The following CXADR variants were observed in gnomAD, a reference collection of about 807,000 sequenced individuals.
CXADR encodes the protein coxsackievirus and adenovirus receptor.
In CXADR, 20 loss-of-function variants were observed where a neutral mutation model predicts 40.3. The ratio of observed to expected loss-of-function variants is 0.50; its 90% confidence interval spans 0.35 to 0.72. The LOEUF (loss-of-function observed/expected upper bound fraction) is 0.72. Among genes scored for constraint, CXADR ranks in the 30% least tolerant of loss-of-function variants. The pLI is 0.01. For synonymous variants in CXADR, 150 were observed against 161.3 expected (o/e 0.93, Z 0.53); for missense variants, 332 against 449.1 (o/e 0.74, Z 2.36).
At chr21:17,539,987 C>G (rs1259213001) in intron 1 of CXADR, among the ~76,000 whole-genome samples, 3 of 152,114 alleles carry the variant, frequency 2.0e-5, no homozygotes, top group Admixed American at 6.6e-5. Flanking sequence ...ACCATAGATG[C>G]CTTAAACAAT....
chr21:17,594,579 C>A (rs1054168248), downstream of CXADR, among the ~76,000 whole-genome samples: 5 of 152,000 alleles, frequency 3.3e-5, no homozygotes, highest in African/African-American at 1.2e-4. Flanking sequence ...TCCTAAACAA[C>A]TTCAACCAAA....
rs182082755 is a variant in CXADR, at chr21:17,568,215, G to T, written c.*2523G>T. The stretch of plus-strand genomic sequence containing the variant: ...GGGATCTCGGCTCACTGCAAGCTCC[G>T]CCTCCCAGGTTCACGCCATTCTCCT... On this transcript the variant is annotated 3_prime_UTR_variant, in exon 7 of 7. Coordinates refer to ENST00000284878, the MANE Select transcript of CXADR (RefSeq NM_001338.5). The T allele has an allele frequency of 4.3e-6, 4 of 921,094 alleles. No individual in the cohort carries two copies. The highest frequency in any genetic ancestry group is 5.1e-6 in the Non-Finnish European group (4 of 782,140). 57.1% of individuals were successfully genotyped at this position (921,094 alleles called of 1,614,324 possible). A position where few individuals can be genotyped will look rare whatever the true frequency, so the allele number is the denominator to read the frequency against.
At chr21:17,541,991 C>G (rs1224238449) in intron 1 of CXADR, 4 of 354,468 alleles carry the variant, frequency 1.1e-5, no homozygotes, top group Non-Finnish European at 1.6e-5. Context: ...GCTTTCAGCA[C>G]CAATTTTCAA....
chr21:17,515,734 A>G (rs2060453255), intron 1 of CXADR, among the ~76,000 whole-genome samples: 3 of 152,082 alleles, frequency 2.0e-5, no homozygotes, highest in Admixed American at 2.0e-4. Context: ...TGAACCCGGG[A>G]GGCGTAGCTT....
Position 17,568,181 on chromosome 21 carries a change from T to G in CXADR, c.*2489T>G, listed in dbSNP as rs972358287. 6.5e-5 allele frequency: 62 copies of G among 959,588 alleles called. No individual in the cohort carries two copies. Among genetic ancestry groups the G allele is most frequent in the Non-Finnish European group, 7.5e-5 (61 of 817,880 alleles). 59.4% of individuals were successfully genotyped at this position (959,588 alleles called of 1,614,324 possible). A position where few individuals can be genotyped will look rare whatever the true frequency, so the allele number is the denominator to read the frequency against. On this transcript the variant is annotated 3_prime_UTR_variant, in exon 7 of 7. Coordinates refer to ENST00000284878, the MANE Select transcript of CXADR (RefSeq NM_001338.5). ...TCTCGGTCTGTCACCCAGGCTGGAG[T>G]GCAGTGGCGGGATCTCGGCTCACTG...
intron 1 of CXADR, among the ~76,000 whole-genome samples, chr21:17,513,382 C>T (rs1336646403): frequency 6.6e-6 from 1 of 151,538 alleles, no homozygotes; most frequent in Non-Finnish European, 1.5e-5. Context: ...GCGCAGGGCG[C>T]GCGGAGTGCC....
chr21:17,550,153 G>A (rs1033279051), intron 2 of CXADR, among the ~76,000 whole-genome samples: 3 of 152,138 alleles, frequency 2.0e-5, no homozygotes, highest in Admixed American at 6.5e-5. Context: ...TCAGGAGTTC[G>A]AGACCAACCA....
At chr21:17,572,403 A>T (rs968080406), downstream of CXADR, among the ~76,000 whole-genome samples, 3 of 152,066 alleles carry the variant, frequency 2.0e-5, no homozygotes, top group Admixed American at 6.6e-5. Context: ...TCATGAGAAA[A>T]AGGATGAGTA....
the CXADR span, among the ~76,000 whole-genome samples, chr21:17,601,524 T>TAAAAC: frequency 2.0e-5 from 3 of 152,164 alleles, no homozygotes; most frequent in Non-Finnish European, 2.9e-5. Flanking sequence ...ACCCTCTCTC[T>TAAAAC]AAAACAAAAC....
chr21:17,561,581 T>A, intron 6 of CXADR, 105 bp downstream of exon 6: 2 of 1,006,934 alleles, frequency 2.0e-6, no homozygotes, highest in African/African-American at 3.3e-5. Flanking sequence ...CTTAGGAGAA[T>A]GGGTAAAAGC....
At chr21:17,526,659 A>G (rs1178312987) in intron 1 of CXADR, among the ~76,000 whole-genome samples, 1 of 152,180 alleles carries the variant, frequency 6.6e-6, no homozygotes, top group Non-Finnish European at 1.5e-5. Context: ...CATGCTCACA[A>G]CAGGGATAAT....
At chr21:17,553,888 A>G (rs1423021746) in intron 3 of CXADR, among the ~76,000 whole-genome samples, 1 of 152,110 alleles carries the variant, frequency 6.6e-6, no homozygotes, top group Non-Finnish European at 1.5e-5. Flanking sequence ...AAGTGCTGGG[A>G]TTACAGGTGT....
chr21:17,581,981 C>T (rs2061363911), intron 7 of CXADR, among the ~76,000 whole-genome samples: 1 of 151,996 alleles, frequency 6.6e-6, no homozygotes, highest in African/African-American at 2.4e-5. Flanking sequence ...CTCTTCGTTG[C>T]CCAGGCTGGA....
At chr21:17,603,717 T>A in the CXADR span, among the ~76,000 whole-genome samples, 2 of 152,198 alleles carry the variant, frequency 1.3e-5, no homozygotes, top group South Asian at 4.1e-4. Context: ...TCTGTTCATC[T>A]TCTTCCTGCT....
chr21:17,539,709 A>T (rs2060802794), intron 1 of CXADR, among the ~76,000 whole-genome samples: 1 of 151,752 alleles, frequency 6.6e-6, no homozygotes, highest in African/African-American at 2.4e-5. Context: ...AATGTACATA[A>T]TTTTTTTTTC....
At chr21:17,588,166 G>A (rs920624256) in intron 7 of CXADR, among the ~76,000 whole-genome samples, 5 of 152,142 alleles carry the variant, frequency 3.3e-5, no homozygotes, top group Admixed American at 2.6e-4. Context: ...GTCAGGTAGT[G>A]TGATGCCTCC....
chr21:17,562,713 G>T (rs528836061), intron 6 of CXADR, among the ~76,000 whole-genome samples: 2 of 152,242 alleles, frequency 1.3e-5, no homozygotes, highest in African/African-American at 4.8e-5. Flanking sequence ...CTTCATCAAC[G>T]ATCTTTTAAC....
At chr21:17,563,805 G>T (rs1490114031) in intron 6 of CXADR, among the ~76,000 whole-genome samples, 1 of 151,164 alleles carries the variant, frequency 6.6e-6, no homozygotes, top group Non-Finnish European at 1.5e-5. Flanking sequence ...GCCGGGTGCA[G>T]TGGCGGGCGC....
At chr21:17,516,565 A>C (rs537435068) in intron 1 of CXADR, among the ~76,000 whole-genome samples, 43 of 152,318 alleles carry the variant, frequency 2.8e-4, no homozygotes, top group South Asian at 6.2e-4. Context: ...TCAATTGCCA[A>C]CATGAATGGA....
Sources: allele counts gnomAD v4.1 joint callset (sites outside exome capture counted in the v4.1 genomes callset), GRCh38; gene constraint gnomAD v4.1.1; transcripts MANE v1.5; gene names NCBI Gene and HGNC (gene_info 2026-07-23, HGNC 2026-07-21).